TDRD9: variants seen among roughly 807,000 people sequenced by gnomAD.
TDRD9 encodes ATP-dependent RNA helicase TDRD9.
Under a neutral mutation model 172.6 loss-of-function variants are expected in TDRD9, and 124 were observed. The observed-to-expected ratio is 0.72, with a 90% CI of 0.62 to 0.83. TDRD9 has a LOEUF of 0.83. Ranked by LOEUF, TDRD9 falls within the 40% of genes least tolerant of loss-of-function variation. TDRD9 has a pLI of 0.00. For missense variants in TDRD9, 1,479 were observed against 1,714.1 expected (o/e 0.86, Z 2.42); for synonymous variants, 619 against 617.1 (o/e 1.00, Z -0.05).
At chr14:104,034,222 GCT>G (rs1596015009) in intron 31 of TDRD9, among the ~76,000 whole-genome samples, 153 bp downstream of exon 31, 2 of 106,124 alleles carry the variant, frequency 1.9e-5, no homozygotes, top group East Asian at 5.7e-4. Flanking sequence ...ACAGAGTCTT[GCT>G]CTGTCGCCCA....
rs763784398 is a variant in TDRD9 at position 103,986,242 on chromosome 14, C to T, written c.1037C>T (p.Pro346Leu). 21 of 1,612,784 alleles carry T rather than the reference C, an allele frequency of 1.3e-5. No individual in the cohort carries two copies. Among genetic ancestry groups the T allele is most frequent in the East Asian group, 1.1e-4 (5 of 44,884 alleles). The change falls in exon 8 of 36, where the codon CCG becomes CTG. Residue 346 changes from proline (P) to leucine (L), a missense_variant. Physicochemically the swap from Pro to Leu is moderately conservative, Grantham distance 98. Coordinates refer to ENST00000409874, the MANE Select transcript of TDRD9 (RefSeq NM_153046.3). ...SKLSPHLLEE[P>L]VITKDIYEVA... The stretch of plus-strand genomic sequence containing the variant: ...CTCTCTCCTCATCTCCTGGAGGAAC[C>T]GGTGATAACTAAGGATATATATGAA...
intron 7 of TDRD9, among the ~76,000 whole-genome samples, chr14:103,977,308 G>A (rs1187433187): frequency 1.3e-5 from 2 of 151,678 alleles, no homozygotes; most frequent in Non-Finnish European, 2.9e-5. Flanking sequence ...TGGCTAACAC[G>A]GTGAAACCCC....
intron 1 of TDRD9, among the ~76,000 whole-genome samples, chr14:103,931,160 A>T (rs558203829): frequency 6.6e-6 from 1 of 151,970 alleles, no homozygotes; most frequent in African/African-American, 2.4e-5. Context: ...TTTGCCCAGC[A>T]TGGTGGTTTG....
At chr14:104,047,576 C>T (rs1027613488) in intron 34 of TDRD9, among the ~76,000 whole-genome samples, 4 of 152,078 alleles carry the variant, frequency 2.6e-5, no homozygotes, top group Non-Finnish European at 4.4e-5. Flanking sequence ...TTTTCTGCCT[C>T]GTGCCCGCTC....
intron 1 of TDRD9, among the ~76,000 whole-genome samples, chr14:103,951,638 C>T (rs772444078): frequency 2.0e-5 from 3 of 152,176 alleles, no homozygotes; most frequent in Non-Finnish European, 4.4e-5. Flanking sequence ...CTGTAAGTCT[C>T]TTGGGATCCT....
intron 29 of TDRD9, 78 bp from the exon 30 acceptor site, chr14:104,031,939 C>A: frequency 5.3e-6 from 5 of 939,582 alleles, no homozygotes; most frequent in Non-Finnish European, 7.9e-6. Context: ...AAAGAATGAG[C>A]TGACTTTTGA....
chr14:103,952,731 T>C (rs113043834), intron 1 of TDRD9, among the ~76,000 whole-genome samples: 15 of 116,792 alleles, frequency 1.3e-4, no homozygotes, highest in African/African-American at 4.3e-4. Flanking sequence ...TTCTCTCTCT[T>C]TTTTTTTTTT....
rs1231342451 is a variant in TDRD9, at chr14:103,937,019, G to C, written c.215+8295G>C. On this transcript the variant is annotated intron_variant, in intron 1 of 35. Transcript: ENST00000409874. ...ACTCAGAAGGATCATTTGAAGCCAGGAGTTCAAGGCTGCAGTGAGCTATGA... is the reference window on the plus strand; with the variant it reads ...ACTCAGAAGGATCATTTGAAGCCAGCAGTTCAAGGCTGCAGTGAGCTATGA... Among the ~76,000 whole-genome samples the C allele has an allele frequency of 3.3e-5, 5 of 152,186 alleles. No individual in the cohort carries two copies. The East Asian group carries it at 9.6e-4, about 29-fold the overall frequency.
In TDRD9 at chr14:103,963,116, A is replaced by T; in HGVS notation, c.360A>T (p.Thr120=). ...CTTTGGCTAAATTAAGCAGTGTGACATGCATCCCAGGGACAACTTATAAAT... is the reference window on the plus strand; with the variant it reads ...CTTTGGCTAAATTAAGCAGTGTGACTTGCATCCCAGGGACAACTTATAAAT... The part of the protein sequence containing the change: ...RPSLAKLSSV[T]CIPGTTYKYP... Residue 120 remains threonine, a synonymous_variant, in exon 3 of 36, where the codon ACA becomes ACT. Transcript: ENST00000409874. 1 of 1,549,642 alleles carries T rather than the reference A, an allele frequency of 6.5e-7. No homozygotes were observed. Among genetic ancestry groups the T allele is most frequent in the Non-Finnish European group, 8.7e-7 (1 of 1,146,046 alleles).
intron 7 of TDRD9, 93 bp downstream of exon 7, chr14:103,975,646 G>T: frequency 7.9e-7 from 1 of 1,267,888 alleles, no homozygotes; most frequent in South Asian, 1.7e-5. Context: ...GGCCCTGCGA[G>T]AAAATTATTA....
rs1354196439 is a variant in TDRD9 at position 103,938,438 on chromosome 14, A to ATTTTTTTTTTTTT, written c.215+9715_215+9716insTTTTTTTTTTTTT. On this transcript the variant is annotated intron_variant, in intron 1 of 35. Coordinates refer to ENST00000409874, the MANE Select transcript of TDRD9 (RefSeq NM_153046.3). The stretch of plus-strand genomic sequence containing the variant: ...TGTATATATATATATATATATATAT[A>ATTTTTTTTTTTTT]TATTTTTTTTTTTTTTTTGAGATGG... 9.6e-5 allele frequency among the ~76,000 whole-genome samples: 4 copies of ATTTTTTTTTTTTT among 41,754 alleles called. No individual in the cohort carries two copies. In the Admixed American group the frequency reaches 1.6e-3, roughly 16 times the overall value. The allele number at this position is 41,754 out of a possible 152,430, so 27.4% of individuals were successfully genotyped here. A position where few individuals can be genotyped will look rare whatever the true frequency, so the allele number is the denominator to read the frequency against.
In TDRD9 at chr14:104,001,666, C is replaced by T. The variant is rs536942664; in HGVS notation, c.1484-2572C>T. On this transcript the variant is annotated intron_variant, in intron 13 of 35. Transcript: ENST00000409874. The stretch of plus-strand genomic sequence containing the variant: ...ACTCTGTCGCTGGGCTGGAGTGCAA[C>T]GACGTGATCTCGGCTCACTGCAACC... Among the ~76,000 whole-genome samples, 8 of 152,206 alleles carry T rather than the reference C, an allele frequency of 5.3e-5. 1 individual carries two copies. In the South Asian group the frequency reaches 1.2e-3, roughly 24 times the overall value.
intron 6 of TDRD9, among the ~76,000 whole-genome samples, chr14:103,974,871 C>G (rs1209968307): frequency 6.6e-6 from 1 of 151,986 alleles, no homozygotes; most frequent in Admixed American, 6.6e-5. Context: ...AACTCTTGGC[C>G]CAAGATTACA....
intron 15 of TDRD9, 127 bp from the exon 16 acceptor site, chr14:104,006,262 A>G: frequency 1.4e-6 from 1 of 730,708 alleles, no homozygotes; most frequent in Non-Finnish European, 2.2e-6. Context: ...TCAACCTTTC[A>G]TAAATTGACT....
chr14:104,031,782 AG>A (rs66508331), intron 29 of TDRD9, among the ~76,000 whole-genome samples: 77,522 of 151,470 alleles, frequency 0.51, 21,135 homozygotes, highest in South Asian at 0.63. Flanking sequence ...TGTTGTCCAA[AG>A]GCTTTCTTAA....
chr14:104,030,691 C>T (rs1209015952), intron 28 of TDRD9, among the ~76,000 whole-genome samples: 2 of 152,156 alleles, frequency 1.3e-5, no homozygotes, highest in Non-Finnish European at 2.9e-5. Flanking sequence ...TAATCAATGA[C>T]TTCCAAAATC....
intron 34 of TDRD9, among the ~76,000 whole-genome samples, chr14:104,047,557 C>G (rs1485518427): frequency 6.6e-6 from 1 of 152,086 alleles, no homozygotes; most frequent in Admixed American, 6.6e-5. Flanking sequence ...TGAATTTTTT[C>G]AAATATTTTT....
chr14:103,995,341 G>A (rs944736879), intron 11 of TDRD9, among the ~76,000 whole-genome samples: 2 of 152,058 alleles, frequency 1.3e-5, no homozygotes, highest in South Asian at 2.1e-4. Context: ...TGACAACGTC[G>A]CCCCCCTTGA....
chr14:104,048,719 T>C (rs550993050), intron 34 of TDRD9, among the ~76,000 whole-genome samples: 18 of 152,268 alleles, frequency 1.2e-4, no homozygotes, highest in African/African-American at 4.3e-4. Context: ...CACTCTCCTT[T>C]CCAGAGTCTC....
Sources: allele counts gnomAD v4.1 joint callset (sites outside exome capture counted in the v4.1 genomes callset), GRCh38; gene constraint gnomAD v4.1.1; transcripts MANE v1.5; gene names NCBI Gene and HGNC (gene_info 2026-07-23, HGNC 2026-07-21).